Variants in TGFBR2 observed in about 807,000 individuals in gnomAD.
TGFBR2 encodes TGF-beta receptor type-2.
In TGFBR2, 18 loss-of-function variants were observed where a neutral mutation model predicts 49.0. That is an observed-to-expected ratio of 0.37 (90% CI 0.25 to 0.54). TGFBR2 has a LOEUF of 0.54. TGFBR2 is among the 20% of genes least tolerant of loss of function. The pLI, the probability that TGFBR2 is intolerant of heterozygous loss-of-function variation, is 0.85. For synonymous variants in TGFBR2, 282 were observed against 275.9 expected (o/e 1.02, Z -0.22); for missense variants, 525 against 722.6 (o/e 0.73, Z 3.13).
At chr3:30,641,695 A>G (rs1314862884) in intron 1 of TGFBR2, among the ~76,000 whole-genome samples, 2 of 152,168 alleles carry the variant, frequency 1.3e-5, no homozygotes, top group Non-Finnish European at 1.5e-5. Context: ...CCTTCCCACC[A>G]TATGCCTGTG....
intron 5 of TGFBR2, among the ~76,000 whole-genome samples, chr3:30,681,976 C>T (rs941889371): frequency 6.6e-6 from 1 of 152,200 alleles, no homozygotes; most frequent in African/African-American, 2.4e-5. Context: ...AGTATAACTA[C>T]GAGCAGAACA....
intron 2 of TGFBR2, among the ~76,000 whole-genome samples, chr3:30,645,356 C>T (rs1280797120): frequency 6.6e-6 from 1 of 152,006 alleles, no homozygotes; most frequent in Non-Finnish European, 1.5e-5. Context: ...GAGAAAACTA[C>T]CAGCCAAAAA....
chr3:30,646,055 C>G (rs1484686768), intron 2 of TGFBR2, among the ~76,000 whole-genome samples: 1 of 152,062 alleles, frequency 6.6e-6, no homozygotes, highest in African/African-American at 2.4e-5. Context: ...AATTTATTGG[C>G]CATTTTAAAA....
chr3:30,644,347 G>C (rs1318168512), intron 1 of TGFBR2, among the ~76,000 whole-genome samples: 6 of 152,072 alleles, frequency 3.9e-5, no homozygotes, highest in Admixed American at 3.9e-4. Flanking sequence ...ACCCTGACTT[G>C]GTCTGTTTCC....
At chr3:30,615,970 G>A (rs1698125175) in intron 1 of TGFBR2, among the ~76,000 whole-genome samples, 1 of 151,844 alleles carries the variant, frequency 6.6e-6, no homozygotes, top group Non-Finnish European at 1.5e-5. Context: ...TTGAACACTG[G>A]GGCTCAGAGG....
chr3:30,687,388 TG>T (rs1699641273), intron 5 of TGFBR2, among the ~76,000 whole-genome samples: 1 of 152,134 alleles, frequency 6.6e-6, no homozygotes, highest in Non-Finnish European at 1.5e-5. Context: ...TTTGTTTGCT[TG>T]TTTTGTTTTT....
intron 3 of TGFBR2, among the ~76,000 whole-genome samples, chr3:30,655,289 GT>G (rs1698974340): frequency 2.6e-5 from 4 of 152,290 alleles, no homozygotes; most frequent in Admixed American, 6.5e-5. Flanking sequence ...AAGTTTTGTA[GT>G]TGAGTGCTGA....
chr3:30,636,001 T>C (rs73823645), intron 1 of TGFBR2, among the ~76,000 whole-genome samples: 3,479 of 152,260 alleles, frequency 0.023, 141 homozygotes, highest in African/African-American at 0.08. Flanking sequence ...CCGTTGTTAA[T>C]GTTGCCTCTC....
At chr3:30,673,545 G>A (rs1171974787) in intron 4 of TGFBR2, among the ~76,000 whole-genome samples, 1 of 151,472 alleles carries the variant, frequency 6.6e-6, no homozygotes, top group African/African-American at 2.4e-5. Flanking sequence ...TCCAGATTTG[G>A]TCTTTTACTG....
In TGFBR2 at chr3:30,692,899, G is replaced by A. The variant is rs967356648; in HGVS notation, c.*1300G>A. 3 of 233,172 alleles carry A rather than the reference G, an allele frequency of 1.3e-5. No individual in the cohort carries two copies. The highest frequency in any genetic ancestry group is 6.6e-5 in the African/African-American group (3 of 45,342). 14.4% of individuals were successfully genotyped at this position (233,172 alleles called of 1,614,324 possible). The stretch of plus-strand genomic sequence containing the variant: ...TCTCCAGTCCACGTTCACAAAATGT[G>A]AAGGTGTGGAGACACTTACAAAGCT... On this transcript the variant is annotated 3_prime_UTR_variant, in exon 7 of 7. Transcript: ENST00000295754.
intron 3 of TGFBR2, among the ~76,000 whole-genome samples, chr3:30,661,320 C>T (rs1291150758): frequency 6.6e-6 from 1 of 152,164 alleles, no homozygotes; most frequent in African/African-American, 2.4e-5. Flanking sequence ...ACAGATGTGT[C>T]ATCATTTCCT....
intron 1 of TGFBR2, among the ~76,000 whole-genome samples, chr3:30,624,015 C>T (rs1165278203): frequency 4.6e-5 from 7 of 151,798 alleles, no homozygotes; most frequent in South Asian, 2.1e-4. Context: ...TGGTGGCGGG[C>T]GCCTGTAATC....
At chr3:30,686,585 C>T (rs1559471739) in intron 5 of TGFBR2, among the ~76,000 whole-genome samples, 1 of 152,168 alleles carries the variant, frequency 6.6e-6, no homozygotes, top group South Asian at 2.1e-4. Flanking sequence ...AAAAACAAGC[C>T]GTCCCTTTTC....
chr3:30,644,727 A>G lies in TGFBR2; in HGVS notation c.95-20A>G, dbSNP rs371326218. ...CCTGGCAGTTGGATAATCATTTAAT[A>G]TATCTTTCTCTCTCCTCAGTTAATA... On this transcript the variant is annotated intron_variant, in intron 1 of 6. Transcript: ENST00000295754. 94 of 1,612,680 alleles carry G rather than the reference A, an allele frequency of 5.8e-5. No individual in the cohort carries two copies. Among genetic ancestry groups the G allele is most frequent in the East Asian group, 4.2e-4 (19 of 44,888 alleles).
At chr3:30,673,318 C>A (rs1422315734) in intron 4 of TGFBR2, among the ~76,000 whole-genome samples, 5 of 152,218 alleles carry the variant, frequency 3.3e-5, no homozygotes, top group African/African-American at 1.2e-4. Flanking sequence ...TATCAACTCA[C>A]TTGGCTTCCC....
At chr3:30,621,713 AATG>A (rs1337237233) in intron 1 of TGFBR2, among the ~76,000 whole-genome samples, 1 of 152,256 alleles carries the variant, frequency 6.6e-6, no homozygotes, top group Non-Finnish European at 1.5e-5. Flanking sequence ...TCAAGATTTT[AATG>A]ATGATGTTGG....
rs1699364852 is a variant in TGFBR2, at chr3:30,672,692, C to A, written c.1254+255C>A. 6.6e-6 allele frequency among the ~76,000 whole-genome samples: 1 copy of A among 152,218 alleles called. No individual in the cohort carries two copies. Among genetic ancestry groups the A allele is most frequent in the Non-Finnish European group, 1.5e-5 (1 of 68,036 alleles). On this transcript the variant is annotated intron_variant, in intron 4 of 6. Transcript: ENST00000295754. This position sits in a 1 kb window ranked among gnomAD's most constrained non-coding sequence, Gnocchi z 4.5. ...GCACATTTTTTCCTCCTGGATCAAT[C>A]CTCATTTCTCTTCCAGCAAATGTTT...
At chr3:30,612,147 A>T (rs1393522984) in intron 1 of TGFBR2, among the ~76,000 whole-genome samples, 1 of 152,142 alleles carries the variant, frequency 6.6e-6, no homozygotes, top group Non-Finnish European at 1.5e-5. Context: ...TCTCAGGGAG[A>T]AGGAAGAGAA....
chr3:30,618,662 C>T (rs1698174756), intron 1 of TGFBR2, among the ~76,000 whole-genome samples: 2 of 152,180 alleles, frequency 1.3e-5, no homozygotes, highest in African/African-American at 4.8e-5. Flanking sequence ...CACAGCATTT[C>T]TTAAAATAGG....
Sources: allele counts gnomAD v4.1 joint callset (sites outside exome capture counted in the v4.1 genomes callset), GRCh38; gene constraint gnomAD v4.1.1; non-coding constraint Gnocchi (gnomAD v3.1); transcripts MANE v1.5; gene names NCBI Gene and HGNC (gene_info 2026-07-23, HGNC 2026-07-21).